Variants in VPS37A observed in about 807,000 individuals in gnomAD.
VPS37A encodes vacuolar protein sorting-associated protein 37A.
VPS37A carries 30 observed loss-of-function variants against 49.8 expected under a neutral mutation model. The ratio of observed to expected loss-of-function variants is 0.60; its 90% CI spans 0.45 to 0.82. The LOEUF is 0.82. Among genes scored for constraint, VPS37A ranks in the 40% least tolerant of loss-of-function variants. The pLI is 0.00. For synonymous variants in VPS37A, 195 were observed against 160.6 expected, an observed-to-expected ratio of 1.21 and a Z score of -1.62; for missense variants, 593 against 464.4, an observed-to-expected ratio of 1.28 and a Z score of -2.55.
At chr8:17,277,911 C>A (rs1010347891) in intron 6 of VPS37A, among the ~76,000 whole-genome samples, 1 of 148,574 alleles carries the variant, frequency 6.7e-6, no homozygotes, top group Admixed American at 6.7e-5. Flanking sequence ...CAGACATATA[C>A]ATATGTGTAT....
At chr8:17,303,775 A>G (rs1817278883), downstream of VPS37A, among the ~76,000 whole-genome samples, 3 of 152,008 alleles carry the variant, frequency 2.0e-5, no homozygotes. Context: ...ATGCCCAGCT[A>G]ATTTTTGTAT....
At chr8:17,326,545 T>C in the VPS37A span, 1 of 152,314 alleles carries the variant, frequency 6.6e-6, no homozygotes, top group East Asian at 1.9e-4. Flanking sequence ...TAGGTTAAAA[T>C]ACTGCTTTGT....
At chr8:17,259,991 C>T (rs79287492) in intron 1 of VPS37A, among the ~76,000 whole-genome samples, 7,735 of 152,122 alleles carry the variant, frequency 0.051, 262 homozygotes, top group African/African-American at 0.095. Flanking sequence ...TTGTAGGCAA[C>T]ATATTCTTGG....
Position 17,280,127 on chromosome 8 carries a change from C to T in VPS37A, c.813C>T (p.Asp271=). ...AACAAATTATTACCGACAAAGATGA[C>T]TTAGTAAAAAGTATTGAGGAACTAG... The part of the protein sequence containing the change: ...QLKQIITDKD[D]LVKSIEELAR... The change falls in exon 7 of 12, where the codon GAC becomes GAT. Residue 271 remains aspartate, a synonymous_variant. Coordinates refer to ENST00000324849, the MANE Select transcript of VPS37A (RefSeq NM_152415.3). 1 of 1,612,656 alleles carries T rather than the reference C, an allele frequency of 6.2e-7. No homozygotes were observed. Among genetic ancestry groups the T allele is most frequent in the Non-Finnish European group, 8.5e-7 (1 of 1,179,276 alleles).
intron 1 of VPS37A, among the ~76,000 whole-genome samples, chr8:17,255,338 G>A (rs948099326): frequency 6.6e-6 from 1 of 151,874 alleles, no homozygotes; most frequent in East Asian, 1.9e-4. Flanking sequence ...AATATTAGCC[G>A]GGCATGGTAG....
the VPS37A span, among the ~76,000 whole-genome samples, chr8:17,332,074 T>A: frequency 6.6e-6 from 1 of 152,126 alleles, no homozygotes; most frequent in African/African-American, 2.4e-5. Context: ...AATGCATCGG[T>A]TTCTAGAATG....
intron 9 of VPS37A, among the ~76,000 whole-genome samples, chr8:17,282,759 C>G (rs1815201925): frequency 6.6e-6 from 1 of 152,142 alleles, no homozygotes; most frequent in Non-Finnish European, 1.5e-5. Flanking sequence ...CACACACACA[C>G]ACACACAAAA....
the VPS37A span, among the ~76,000 whole-genome samples, chr8:17,316,908 A>T: frequency 2.0e-5 from 3 of 152,088 alleles, no homozygotes; most frequent in Non-Finnish European, 4.4e-5. Flanking sequence ...ATACTGAGGG[A>T]TGACTCTACT....
At chr8:17,307,017 G>A (rs1463190005), downstream of VPS37A, among the ~76,000 whole-genome samples, 20 of 152,240 alleles carry the variant, frequency 1.3e-4, no homozygotes, top group Non-Finnish European at 2.2e-4. Context: ...AGCAATGGCA[G>A]CAAAAGACAA....
intron 11 of VPS37A, among the ~76,000 whole-genome samples, chr8:17,287,307 A>G (rs572706551): frequency 2.0e-5 from 3 of 152,284 alleles, no homozygotes; most frequent in Admixed American, 1.3e-4. Flanking sequence ...TCAGTGACCA[A>G]AACAGCTCTT....
chr8:17,258,536 G>A (rs780658215), intron 1 of VPS37A, among the ~76,000 whole-genome samples: 1 of 152,036 alleles, frequency 6.6e-6, no homozygotes, highest in Non-Finnish European at 1.5e-5. Flanking sequence ...GTCGAATTTG[G>A]TTTGCTAGTA....
rs186922935 is a variant in VPS37A at position 17,273,931 on chromosome 8, C to G, written c.417-802C>G. 8.9e-4 allele frequency among the ~76,000 whole-genome samples: 135 copies of G among 152,230 alleles called. 1 individual carries two copies. In the Middle Eastern group the frequency reaches 0.017, roughly 19 times the overall value. ...CATTACATTAATATTTAAAACATAACTGTAAGTCCCTTATCCTTTACACTA... is the reference window on the plus strand; with the variant it reads ...CATTACATTAATATTTAAAACATAAGTGTAAGTCCCTTATCCTTTACACTA... On this transcript the variant is annotated intron_variant, in intron 4 of 11. Transcript: ENST00000324849.
the VPS37A span, among the ~76,000 whole-genome samples, chr8:17,321,063 T>A: frequency 6.6e-6 from 1 of 152,176 alleles, no homozygotes; most frequent in Non-Finnish European, 1.5e-5. Flanking sequence ...TAGTTAGCAT[T>A]CTCGTTGATT....
intron 2 of VPS37A, among the ~76,000 whole-genome samples, chr8:17,267,772 C>G (rs887681001): frequency 1.3e-5 from 2 of 152,194 alleles, no homozygotes; most frequent in African/African-American, 4.8e-5. Context: ...AGTGGCTCTC[C>G]TGCCTTAGCC....
At chr8:17,263,026 A>G (rs934692016) in intron 1 of VPS37A, among the ~76,000 whole-genome samples, 28 of 150,404 alleles carry the variant, frequency 1.9e-4, no homozygotes, top group African/African-American at 6.6e-4. Flanking sequence ...TCGCCATTGC[A>G]CTCCAGCCTG....
the VPS37A span, among the ~76,000 whole-genome samples, chr8:17,333,154 C>T: frequency 1.3e-5 from 2 of 152,176 alleles, no homozygotes; most frequent in East Asian, 3.9e-4. Context: ...GCCACATCAG[C>T]CCCTCAGGAC....
At chr8:17,331,176 C>T in the VPS37A span, 6 of 1,612,220 alleles carry the variant, frequency 3.7e-6, no homozygotes, top group Admixed American at 1.7e-5. Context: ...CAGACTGTTC[C>T]TCATGACATG....
chr8:17,249,155 G>A (rs1017071942), intron 1 of VPS37A, among the ~76,000 whole-genome samples: 2 of 152,094 alleles, frequency 1.3e-5, no homozygotes, highest in African/African-American at 2.4e-5. Flanking sequence ...CTTCGAGGTT[G>A]GAGTTTAATT....
chr8:17,264,862 G>T (rs1294383418), intron 1 of VPS37A, among the ~76,000 whole-genome samples: 1 of 152,132 alleles, frequency 6.6e-6, no homozygotes, highest in African/African-American at 2.4e-5. Context: ...AATTTCAAGT[G>T]AGCCCCCAAA....
Sources: allele counts gnomAD v4.1 joint callset (sites outside exome capture counted in the v4.1 genomes callset), GRCh38; gene constraint gnomAD v4.1.1; transcripts MANE v1.5; gene names NCBI Gene and HGNC (gene_info 2026-07-23, HGNC 2026-07-21).